The following BRSK2 variants were observed in gnomAD, a reference collection of about 807,000 sequenced individuals.
The protein encoded by BRSK2 is BR serine/threonine kinase 2, also known as serine/threonine-protein kinase BRSK2.
BRSK2 carries 19 observed loss-of-function variants against 83.3 expected under a neutral mutation model. The ratio of observed to expected loss-of-function variants is 0.23; its 90% CI spans 0.16 to 0.33. BRSK2 has a LOEUF of 0.33. BRSK2 is among the 10% of genes least tolerant of loss of function. The pLI, the probability that BRSK2 is intolerant of heterozygous loss-of-function variation, is 1.00. For missense variants in BRSK2, 798 were observed against 1,042.3 expected, an observed-to-expected ratio of 0.77 and a Z score of 3.23; for synonymous variants, 519 against 435.4, an observed-to-expected ratio of 1.19 and a Z score of -2.39.
chr11:1,460,596 G>C lies in BRSK2; in HGVS notation c.2084G>C (p.Arg695Pro). The C allele has an allele frequency of 6.5e-7, 1 of 1,532,754 alleles. No homozygotes were observed. Among genetic ancestry groups the C allele is most frequent in the Non-Finnish European group, 8.7e-7 (1 of 1,145,044 alleles). 94.9% of individuals were successfully genotyped at this position (1,532,754 alleles called of 1,614,324 possible). Reference protein sequence around the residue: ...AAQAPSTPAKRSAHGPLGDSA... With the variant: ...AAQAPSTPAKPSAHGPLGDSA... ...CAGGCCCCCAGCACGCCCGCCAAGC[G>C]GAGTGCCCACGGCCCACTCGGTGAC... The change falls in exon 20 of 20, where the codon CGG (arginine) becomes CCG (proline). Residue 695 changes from arginine (R) to proline (P), a missense_variant. Arg to Pro is a moderately radical substitution (Grantham distance 103, BLOSUM62 -2). Around this residue, in one of 6 missense-constraint regions of BRSK2, gnomAD observed 455 missense variants for 455.2 expected, o/e 1.00. Coordinates refer to ENST00000528841, the MANE Select transcript of BRSK2 (RefSeq NM_001256627.2).
At chr11:1,421,605 C>T (rs954540778) in intron 1 of BRSK2, among the ~76,000 whole-genome samples, 1 of 152,210 alleles carries the variant, frequency 6.6e-6, no homozygotes, top group Admixed American at 6.5e-5. Flanking sequence ...CTGCACCTGG[C>T]ACTGGTGGGC....
intron 1 of BRSK2, among the ~76,000 whole-genome samples, chr11:1,398,666 C>T (rs528292283): frequency 2.0e-5 from 3 of 152,306 alleles, no homozygotes; most frequent in South Asian, 2.1e-4. Flanking sequence ...ACACAAGCTC[C>T]GAGGTGTCCA....
chr11:1,421,992 G>A (rs1003188394), intron 1 of BRSK2, among the ~76,000 whole-genome samples: 3 of 152,124 alleles, frequency 2.0e-5, no homozygotes, highest in South Asian at 2.1e-4. Flanking sequence ...GGCTGGGGGT[G>A]TCACTGGGCC....
rs1367632521 is a variant in BRSK2 at position 1,461,059 on chromosome 11, C to T, written c.*336C>T. 2.5e-6 allele frequency: 4 copies of T among 1,599,948 alleles called. No homozygotes were observed. The highest frequency in any genetic ancestry group is 1.7e-5 in the Admixed American group (1 of 59,242). ...CTGCGGACCCGCCCTCCCTCCGCTC[C>T]TGCTGTTGCTGCCGGGCAGTGAGGC... On this transcript the variant is annotated 3_prime_UTR_variant, in exon 20 of 20. Transcript: ENST00000528841.
Position 1,460,776 on chromosome 11 carries a change from C to G in BRSK2, c.*53C>G, listed in dbSNP as rs572502940. ...CACTGACAGCGGCTGCCTCGCCGCC[C>G]GCCGCCCGCCCTGCCCCGAGTGGAC... On this transcript the variant is annotated 3_prime_UTR_variant, in exon 20 of 20. Coordinates refer to ENST00000528841, the MANE Select transcript of BRSK2 (RefSeq NM_001256627.2). 1.4e-6 allele frequency: 2 copies of G among 1,425,842 alleles called. No individual in the cohort carries two copies. The highest frequency in any genetic ancestry group is 1.8e-6 in the Non-Finnish European group (2 of 1,097,052). 88.3% of individuals were successfully genotyped at this position (1,425,842 alleles called of 1,614,324 possible).
rs1024919733 is a variant in BRSK2 at position 1,423,256 on chromosome 11, A to G, written c.92-12784A>G. 6.6e-6 allele frequency among the ~76,000 whole-genome samples: 1 copy of G among 152,080 alleles called. No homozygotes were observed. Among genetic ancestry groups the G allele is most frequent in the African/African-American group, 2.4e-5 (1 of 41,416 alleles). Reference sequence around the variant, plus strand: ...GGGGTCGTGGCCGTCCAGGCTTCAGAAACGGCAGAACCAGGGACCCTCCCC... The same window carrying G: ...GGGGTCGTGGCCGTCCAGGCTTCAGGAACGGCAGAACCAGGGACCCTCCCC... On this transcript the variant is annotated intron_variant, in intron 1 of 19. Coordinates refer to ENST00000528841, the MANE Select transcript of BRSK2 (RefSeq NM_001256627.2). This position sits in a 1 kb window ranked among gnomAD's most constrained non-coding sequence, Gnocchi z 6.5.
Position 1,390,845 on chromosome 11 carries a change from C to CG in BRSK2, c.91+473dup, listed in dbSNP as rs1268243899. Among the ~76,000 whole-genome samples, 2 of 152,144 alleles carry CG rather than the reference C, an allele frequency of 1.3e-5. No homozygotes were observed. Among genetic ancestry groups the CG allele is most frequent in the Non-Finnish European group, 2.9e-5 (2 of 67,988 alleles). On this transcript the variant is annotated intron_variant, in intron 1 of 19. Coordinates refer to ENST00000528841, the MANE Select transcript of BRSK2 (RefSeq NM_001256627.2). The surrounding 1 kb of genome is among the most constrained non-coding windows in gnomAD (Gnocchi z 6.8). ...TCCGCGCGCCGGCCACCGGGGCCTC[C>CG]GGGCAGGCCCGATCTCCCTCCGCGG...
chr11:1,459,338 C>A, intron 19 of BRSK2, 99 bp downstream of exon 19: 2 of 1,414,580 alleles, frequency 1.4e-6, no homozygotes, highest in South Asian at 1.2e-5. Context: ...TTGTCCCGGC[C>A]TCCCTGTGTA....
At chr11:1,406,848 A>G (rs1420167451) in intron 1 of BRSK2, among the ~76,000 whole-genome samples, 2 of 152,212 alleles carry the variant, frequency 1.3e-5, no homozygotes, top group African/African-American at 4.8e-5. Context: ...AGGTACACGC[A>G]TGTGTGTGCA....
intron 19 of BRSK2, 49 bp from the exon 20 acceptor site, chr11:1,460,451 T>TC: frequency 8.4e-7 from 1 of 1,192,536 alleles, no homozygotes; most frequent in Non-Finnish European, 1.1e-6. Flanking sequence ...CCCCTTTTTT[T>TC]TCTTTTTTCC....
At chr11:1,401,113 G>A (rs1036108969) in intron 1 of BRSK2, among the ~76,000 whole-genome samples, 1 of 152,108 alleles carries the variant, frequency 6.6e-6, no homozygotes, top group East Asian at 1.9e-4. Context: ...CACGGGGCAG[G>A]GTGGAGCCGG....
At chr11:1,425,396 C>T (rs922055729) in intron 1 of BRSK2, among the ~76,000 whole-genome samples, 2 of 152,192 alleles carry the variant, frequency 1.3e-5, no homozygotes, top group East Asian at 3.9e-4. Context: ...CTGAGCTCCC[C>T]AGAGTCCAGG....
chr11:1,392,445 CTTTG>C (rs1216428365), intron 1 of BRSK2, among the ~76,000 whole-genome samples: 1 of 152,216 alleles, frequency 6.6e-6, no homozygotes, highest in Non-Finnish European at 1.5e-5. Flanking sequence ...TGGCTGGCAG[CTTTG>C]TTTGGCCCTC....
chr11:1,439,519 C>A (rs1294317315), intron 3 of BRSK2, among the ~76,000 whole-genome samples: 1 of 151,694 alleles, frequency 6.6e-6, no homozygotes, highest in Non-Finnish European at 1.5e-5. Context: ...CCTGGGGAGG[C>A]CTTCTCGGAG....
chr11:1,400,721 G>A (rs775867184), intron 1 of BRSK2, among the ~76,000 whole-genome samples: 2 of 152,208 alleles, frequency 1.3e-5, no homozygotes, highest in African/African-American at 2.4e-5. Context: ...TGTGGTCGGG[G>A]GTGGGGGCAG....
At chr11:1,413,656 C>T (rs1183426450) in intron 1 of BRSK2, among the ~76,000 whole-genome samples, 2 of 152,218 alleles carry the variant, frequency 1.3e-5, no homozygotes, top group African/African-American at 4.8e-5. Flanking sequence ...GCTCCCTGCA[C>T]TGCCCACCAC....
Position 1,438,652 on chromosome 11 carries a change from A to G in BRSK2, c.272+261A>G, listed in dbSNP as rs1850677742. Among the ~76,000 whole-genome samples, 1 of 152,074 alleles carries G rather than the reference A, an allele frequency of 6.6e-6. No homozygotes were observed. Among genetic ancestry groups the G allele is most frequent in the South Asian group, 2.1e-4 (1 of 4,828 alleles). ...ACCAGCCTGAGGCTGGCAAGGGGGA[A>G]CAGGACCTTCTGGAGGGGAGATAGG... On this transcript the variant is annotated intron_variant, in intron 3 of 19. Coordinates refer to ENST00000528841, the MANE Select transcript of BRSK2 (RefSeq NM_001256627.2). This position sits in a 1 kb window ranked among gnomAD's most constrained non-coding sequence, Gnocchi z 6.4.
At position 1,438,226 on chromosome 11, in the gene BRSK2, G is replaced by A; in HGVS notation, c.187-80G>A. ...AAAGGCCCCTGCGACCCCCACAGCT[G>A]GCACCAAAGGCAGTGTCTGTGGGGA... On this transcript the variant is annotated intron_variant, in intron 2 of 19. Coordinates refer to ENST00000528841, the MANE Select transcript of BRSK2 (RefSeq NM_001256627.2). The surrounding 1 kb of genome is among the most constrained non-coding windows in gnomAD (Gnocchi z 6.4). 4 of 1,381,818 alleles carry A rather than the reference G, an allele frequency of 2.9e-6. No individual in the cohort carries two copies. The highest frequency in any genetic ancestry group is 4.1e-6 in the Non-Finnish European group (4 of 981,410). The allele number at this position is 1,381,818 out of a possible 1,614,324, so 85.6% of individuals were successfully genotyped here. A position where few individuals can be genotyped will look rare whatever the true frequency, so the allele number is the denominator to read the frequency against.
intron 1 of BRSK2, among the ~76,000 whole-genome samples, chr11:1,420,356 A>T (rs1054778281): frequency 1.3e-5 from 2 of 152,190 alleles, no homozygotes; most frequent in African/African-American, 4.8e-5. Flanking sequence ...CAGATGCTCC[A>T]GGGTGTCTGC....
Sources: gnomAD v4.1 joint callset for allele counts (sites outside exome capture counted in the v4.1 genomes callset) on GRCh38, gnomAD v4.1.1 for gene constraint, gnomAD v4.1.1 regional missense constraint, Gnocchi (gnomAD v3.1) non-coding constraint, MANE v1.5 for transcripts, NCBI Gene and HGNC (gene_info 2026-07-23, HGNC 2026-07-21) for gene names.